The following AUTS2 variants were observed in gnomAD, a reference collection of about 807,000 sequenced individuals.
AUTS2 encodes autism susceptibility gene 2 protein.
A neutral mutation model predicts 112.4 loss-of-function variants in AUTS2; 17 were observed. That is an observed-to-expected ratio of 0.15 (90% confidence interval 0.10 to 0.23). The LOEUF (loss-of-function observed/expected upper bound fraction) is 0.23. Among genes scored for constraint, AUTS2 ranks in the 10% least tolerant of loss-of-function variants. The pLI is 1.00. For synonymous variants in AUTS2, 751 were observed against 702.7 expected (o/e 1.07, Z -1.09); for missense variants, 1,510 against 1,701.6 (o/e 0.89, Z 1.98).
At chr7:69,936,570 C>T (rs963344405) in intron 2 of AUTS2, among the ~76,000 whole-genome samples, 6 of 152,210 alleles carry the variant, frequency 3.9e-5, no homozygotes, top group East Asian at 1.9e-4. Context: ...AGGATGGTCT[C>T]GATCTCCTGA....
At chr7:70,740,656 G>C (rs2129554020) in intron 6 of AUTS2, among the ~76,000 whole-genome samples, 1 of 151,994 alleles carries the variant, frequency 6.6e-6, no homozygotes, top group Admixed American at 6.5e-5. Flanking sequence ...TATTCATGCT[G>C]TTTCAATATT....
At chr7:70,500,521 T>G (rs186109393) in intron 5 of AUTS2, among the ~76,000 whole-genome samples, 1 of 152,302 alleles carries the variant, frequency 6.6e-6, no homozygotes, top group African/African-American at 2.4e-5. Context: ...ATCTCACATG[T>G]GGCTTTCCTC....
At chr7:69,676,304 C>T (rs1796560329) in intron 1 of AUTS2, among the ~76,000 whole-genome samples, 1 of 152,198 alleles carries the variant, frequency 6.6e-6, no homozygotes, top group African/African-American at 2.4e-5. Flanking sequence ...GCAATCTAAA[C>T]CTGTATCCTG....
chr7:70,381,414 G>A (rs1215713374), intron 4 of AUTS2, among the ~76,000 whole-genome samples: 3 of 152,118 alleles, frequency 2.0e-5, no homozygotes, highest in African/African-American at 7.2e-5. Flanking sequence ...ATACTTCAAG[G>A]AAAAAGTCAA....
At chr7:70,318,208 AG>A (rs1302021959) in intron 4 of AUTS2, among the ~76,000 whole-genome samples, 2 of 152,070 alleles carry the variant, frequency 1.3e-5, no homozygotes, top group African/African-American at 4.8e-5. Flanking sequence ...GGCGAGGTTG[AG>A]GGGGATGCCA....
chr7:70,644,898 C>T (rs1207905926), intron 5 of AUTS2, among the ~76,000 whole-genome samples: 3 of 152,166 alleles, frequency 2.0e-5, no homozygotes, highest in Non-Finnish European at 4.4e-5. Flanking sequence ...AAGTGTTTCT[C>T]CTGCTCCTTG....
At chr7:69,909,015 C>CGTACT (rs1254383842) in intron 2 of AUTS2, among the ~76,000 whole-genome samples, 1 of 152,248 alleles carries the variant, frequency 6.6e-6, no homozygotes, top group African/African-American at 2.4e-5. Flanking sequence ...GACTCCAGTA[C>CGTACT]AGGTGCTGCA....
At chr7:70,349,109 A>G (rs1791635811) in intron 4 of AUTS2, among the ~76,000 whole-genome samples, 1 of 152,202 alleles carries the variant, frequency 6.6e-6, no homozygotes, top group Non-Finnish European at 1.5e-5. Flanking sequence ...CCCATTTTAC[A>G]AATGAACAAA....
intron 6 of AUTS2, among the ~76,000 whole-genome samples, chr7:70,721,171 G>A (rs1786637569): frequency 6.6e-6 from 1 of 151,696 alleles, no homozygotes; most frequent in Non-Finnish European, 1.5e-5. Flanking sequence ...GTTCTCTCTA[G>A]TGGGCCCAGG....
intron 2 of AUTS2, among the ~76,000 whole-genome samples, chr7:70,084,595 T>C (rs1803493911): frequency 6.6e-6 from 1 of 152,202 alleles, no homozygotes; most frequent in Admixed American, 6.5e-5. Context: ...TAGTGCTATC[T>C]CATTGTGGTC....
At chr7:70,047,762 G>C (rs1225530416) in intron 2 of AUTS2, among the ~76,000 whole-genome samples, 2 of 152,062 alleles carry the variant, frequency 1.3e-5, no homozygotes, top group East Asian at 3.9e-4. Context: ...GTGTGTGCTA[G>C]GTGAAGAAGA....
At chr7:69,848,930 G>C (rs1208445762) in intron 1 of AUTS2, among the ~76,000 whole-genome samples, 1 of 152,096 alleles carries the variant, frequency 6.6e-6, no homozygotes, top group Non-Finnish European at 1.5e-5. Context: ...CAGAAGACAA[G>C]ACATCAGAGT....
At chr7:70,740,951 G>A (rs1409725536) in intron 6 of AUTS2, among the ~76,000 whole-genome samples, 1 of 151,828 alleles carries the variant, frequency 6.6e-6, no homozygotes. Context: ...AAAATTAGCC[G>A]GGCATGGTGG....
At chr7:69,865,233 A>G (rs1408086585) in intron 1 of AUTS2, among the ~76,000 whole-genome samples, 1 of 151,934 alleles carries the variant, frequency 6.6e-6, no homozygotes. Flanking sequence ...GAGGTGGAAA[A>G]GGGTTTCTGT....
intron 2 of AUTS2, among the ~76,000 whole-genome samples, chr7:69,979,946 TGTGA>T (rs758982739): frequency 4.6e-5 from 7 of 152,250 alleles, no homozygotes; most frequent in African/African-American, 1.7e-4. Context: ...TATGTTTTTG[TGTGA>T]GTAAGTAAGA....
chr7:70,369,875 T>A (rs1034149846), intron 4 of AUTS2, among the ~76,000 whole-genome samples: 29 of 152,208 alleles, frequency 1.9e-4, no homozygotes, highest in African/African-American at 7.0e-4. Flanking sequence ...TCCCAGTCTT[T>A]AGTCCTGCTT....
At chr7:70,420,761 C>T (rs186601726) in intron 4 of AUTS2, among the ~76,000 whole-genome samples, 23 of 152,220 alleles carry the variant, frequency 1.5e-4, no homozygotes, top group Non-Finnish European at 4.4e-5. Context: ...TGACAGAAGG[C>T]ACATCAGTGA....
intron 6 of AUTS2, among the ~76,000 whole-genome samples, chr7:70,758,431 G>C (rs1241350757): frequency 3.9e-5 from 6 of 152,060 alleles, no homozygotes; most frequent in African/African-American, 1.4e-4. Context: ...TTTTCCCCAG[G>C]CAACTTGTAT....
chr7:70,326,652 T>C (rs1050463160), intron 4 of AUTS2, among the ~76,000 whole-genome samples: 5 of 152,190 alleles, frequency 3.3e-5, no homozygotes, highest in Non-Finnish European at 5.9e-5. Flanking sequence ...CTAATTTACT[T>C]GAACCTGGGA....
Sources: allele counts gnomAD v4.1 joint callset (sites outside exome capture counted in the v4.1 genomes callset), GRCh38; gene constraint gnomAD v4.1.1; transcripts MANE v1.5; gene names NCBI Gene and HGNC (gene_info 2026-07-23, HGNC 2026-07-21).